Variants in IL17REL observed in about 807,000 individuals in gnomAD.
IL17REL encodes interleukin-17 receptor E-like protein.
In IL17REL, 36 loss-of-function variants were observed where a neutral mutation model predicts 49.0. The ratio of observed to expected loss-of-function variants is 0.73; its 90% CI spans 0.56 to 0.97. IL17REL has a LOEUF of 0.97. Among genes scored for constraint, IL17REL ranks in the 50% least tolerant of loss-of-function variants. The pLI is 0.00. For missense variants in IL17REL, 470 were observed against 453.9 expected (o/e 1.04, Z -0.32); for synonymous variants, 206 against 192.4 (o/e 1.07, Z -0.58).
rs887228750 is a variant in IL17REL at position 50,000,977 on chromosome 22, C to T, written c.109+105G>A. 3.8e-5 allele frequency: 48 copies of T among 1,250,618 alleles called. No homozygotes were observed. In the African/African-American group the frequency reaches 6.8e-4, roughly 18 times the overall value. The allele number at this position is 1,250,618 out of a possible 1,614,324, so 77.5% of individuals were successfully genotyped here. On this transcript the variant is annotated intron_variant, in intron 2 of 12. Coordinates refer to ENST00000341280, the Ensembl canonical transcript of IL17REL. ...CTCTCTGTGAAGTGCGGTTAGCAGC[C>T]CCCCTCCCTCACCAGGCCGCCCAAG...
intron 7 of IL17REL, among the ~76,000 whole-genome samples, chr22:49,998,879 C>T (rs1384854666): frequency 6.8e-6 from 1 of 146,374 alleles, no homozygotes; most frequent in Non-Finnish European, 1.5e-5. Flanking sequence ...TCATGGGTGT[C>T]TGTGCATGTG....
At chr22:50,000,381 G>T in intron 4 of IL17REL, 97 bp downstream of exon 5, 1 of 897,556 alleles carries the variant, frequency 1.1e-6, no homozygotes, top group Non-Finnish European at 1.8e-6. Context: ...GATCTGTCCA[G>T]TGTGAGGGCC....
chr22:50,001,416 C>T (rs2061079604), intron 1 of IL17REL, among the ~76,000 whole-genome samples, 185 bp from the exon 3 acceptor site: 1 of 152,190 alleles, frequency 6.6e-6, no homozygotes, highest in Non-Finnish European at 1.5e-5. Flanking sequence ...CCCCGAGACA[C>T]ACTCCAAAAT....
chr22:50,011,157 C>A (rs1309619945), upstream of IL17REL, among the ~76,000 whole-genome samples: 1 of 151,844 alleles, frequency 6.6e-6, no homozygotes, highest in Non-Finnish European at 1.5e-5. Flanking sequence ...CCTCTTGTCA[C>A]CCCTTGACCC....
chr22:50,006,139 C>T (rs1022567377), intron 1 of IL17REL, among the ~76,000 whole-genome samples: 3 of 151,976 alleles, frequency 2.0e-5, no homozygotes, highest in Non-Finnish European at 4.4e-5. Flanking sequence ...AACTTCCCCA[C>T]GTTGAGCTAG....
chr22:50,001,264 T>G (rs2061078695), intron 1 of IL17REL, 33 bp from the exon 3 acceptor site: 4 of 907,888 alleles, frequency 4.4e-6, no homozygotes, highest in East Asian at 2.7e-5. Flanking sequence ...AGGCCTCGAG[T>G]TCCCTGGTGC....
At chr22:49,996,881 C>T (rs946698847) in intron 12 of IL17REL, 21 bp from the exon 15 acceptor site, 18 of 616,834 alleles carry the variant, frequency 2.9e-5, no homozygotes, top group East Asian at 2.6e-4. Flanking sequence ...AAGGCAGCTC[C>T]GTCAACATGG....
chr22:50,006,747 A>T lies in IL17REL; in HGVS notation c.-42+1890T>A, dbSNP rs2061112521. Among the ~76,000 whole-genome samples, 7 of 152,110 alleles carry T rather than the reference A, an allele frequency of 4.6e-5. No homozygotes were observed. The East Asian group carries it at 7.8e-4, about 17-fold the overall frequency. ...GGCGGGCGGATCATGAGGTCAAGAGATCGAGACCAGCCTGGCCAACATGGT... is the reference window on the plus strand; with the variant it reads ...GGCGGGCGGATCATGAGGTCAAGAGTTCGAGACCAGCCTGGCCAACATGGT... On this transcript the variant is annotated intron_variant, in intron 1 of 12. Transcript: ENST00000341280.
At chr22:50,002,804 A>G (rs2061086704) in intron 1 of IL17REL, among the ~76,000 whole-genome samples, 2 of 152,002 alleles carry the variant, frequency 1.3e-5, no homozygotes, top group Admixed American at 1.3e-4. Flanking sequence ...CAGAAATCCA[A>G]CTCTTACAAA....
At chr22:49,997,853 G>T in intron 9 of IL17REL, 111 bp from the exon 12 acceptor site, 1 of 1,386,724 alleles carries the variant, frequency 7.2e-7, no homozygotes, top group Non-Finnish European at 1.0e-6. Context: ...TCTGGGCCCA[G>T]TTCTCCTCCT....
chr22:49,999,282 G>T lies in IL17REL; in HGVS notation c.601+9C>A, dbSNP rs200581652. 5 of 1,612,980 alleles carry T rather than the reference G, an allele frequency of 3.1e-6. No individual in the cohort carries two copies. The East Asian group carries it at 8.9e-5, about 29-fold the overall frequency. On this transcript the variant is annotated intron_variant, in intron 7 of 12. Coordinates refer to ENST00000341280, the Ensembl canonical transcript of IL17REL. ...ACCCTTCCGCCCGTTGGCATCGCAG[G>T]ACACTTGCCGTTTTCAAAGGGGCAG...
intron 1 of IL17REL, among the ~76,000 whole-genome samples, chr22:50,002,495 C>CTTTTT (rs398040533): frequency 5.6e-4 from 72 of 127,870 alleles, no homozygotes; most frequent in East Asian, 2.0e-3. Flanking sequence ...CTTTTCTTTT[C>CTTTTT]TTTTTTTTTT....
At chr22:49,992,143 T>G (rs2061009741), downstream of IL17REL, among the ~76,000 whole-genome samples, 1 of 152,190 alleles carries the variant, frequency 6.6e-6, no homozygotes, top group African/African-American at 2.4e-5. Flanking sequence ...CTGTCTATCC[T>G]TTGTCCACAA....
intron 10 of IL17REL, 33 bp downstream of exon 12, chr22:49,997,652 G>A (rs368093516): frequency 9.4e-6 from 15 of 1,595,758 alleles, no homozygotes; most frequent in African/African-American, 8.0e-5. Context: ...TCTGTGCTGC[G>A]TCCACATTGC....
intron 2 of IL17REL, 35 bp downstream of exon 3, chr22:50,001,047 G>A (rs561552022): frequency 5.1e-5 from 75 of 1,480,274 alleles, no homozygotes; most frequent in South Asian, 2.6e-4. Context: ...CTGGACCTGC[G>A]GGTGTTAACT....
chr22:50,000,560 G>T (rs751410940), exon 4 of IL17REL: 2 of 1,613,376 alleles, frequency 1.2e-6, no homozygotes, highest in African/African-American at 2.7e-5. Flanking sequence ...GCTGGGCCAC[G>T]CTCACCGCAA....
intron 4 of IL17REL, 56 bp downstream of exon 5, chr22:50,000,422 A>G: frequency 7.3e-7 from 1 of 1,364,548 alleles, no homozygotes; most frequent in Non-Finnish European, 1.0e-6. Context: ...TCCCACCCCA[A>G]GCCAGGCCCT....
At chr22:49,996,813 G>C (rs1359409413) in exon 13 of IL17REL, 1 of 525,306 alleles carries the variant, frequency 1.9e-6, no homozygotes, top group South Asian at 2.8e-5. Context: ...TGGAGCGGAG[G>C]TTGCAGAGCT....
At chr22:49,993,209 G>A (rs2061014864), downstream of IL17REL, among the ~76,000 whole-genome samples, 1 of 152,180 alleles carries the variant, frequency 6.6e-6, no homozygotes. The surrounding 1 kb of genome is among the most constrained non-coding windows in gnomAD (Gnocchi z 6.0). Flanking sequence ...GCTGGGTCGG[G>A]GCCCAGGGCC....
Sources: gnomAD v4.1 joint callset for allele counts (sites outside exome capture counted in the v4.1 genomes callset) on GRCh38, gnomAD v4.1.1 for gene constraint, Gnocchi (gnomAD v3.1) non-coding constraint, MANE v1.5 for transcripts, NCBI Gene and HGNC (gene_info 2026-07-23, HGNC 2026-07-21) for gene names.